Variants in CADPS2 observed in about 807,000 individuals in gnomAD.
CADPS2 encodes calcium dependent secretion activator 2.
CADPS2 carries 93 observed loss-of-function variants against 172.5 expected under a neutral mutation model. The observed-to-expected ratio is 0.54, with a 90% confidence interval of 0.46 to 0.64. CADPS2 has a LOEUF of 0.64. CADPS2 is among the 30% of genes least tolerant of loss of function. CADPS2 has a pLI of 0.00. For synonymous variants in CADPS2, 546 were observed against 555.2 expected (o/e 0.98, Z 0.23); for missense variants, 1,420 against 1,565.9 (o/e 0.91, Z 1.57).
At chr7:122,867,062 C>T (rs1390893204) in intron 1 of CADPS2, among the ~76,000 whole-genome samples, 5 of 152,096 alleles carry the variant, frequency 3.3e-5, no homozygotes, top group African/African-American at 1.2e-4. Flanking sequence ...CCTCTGTTTC[C>T]AAGGGGCTCA....
intron 2 of CADPS2, among the ~76,000 whole-genome samples, chr7:122,675,421 T>C (rs886500647): frequency 1.4e-4 from 22 of 152,232 alleles, no homozygotes; most frequent in African/African-American, 4.8e-4. Context: ...TGTTCTCTCC[T>C]TTCATTTCCA....
At chr7:122,726,806 T>C (rs911799067) in intron 2 of CADPS2, among the ~76,000 whole-genome samples, 4 of 144,736 alleles carry the variant, frequency 2.8e-5, no homozygotes, top group South Asian at 2.1e-4. Context: ...ACATATAAGA[T>C]AGAGTTTGCT....
intron 17 of CADPS2, chr7:122,424,212 G>A (rs1356723302): frequency 1.3e-5 from 6 of 455,088 alleles, no homozygotes; most frequent in Non-Finnish European, 1.4e-5. Flanking sequence ...CTCATTTAAT[G>A]ACCCTGCCAT....
chr7:122,686,638 G>A (rs2083662685), intron 2 of CADPS2, among the ~76,000 whole-genome samples: 1 of 152,206 alleles, frequency 6.6e-6, no homozygotes, highest in Non-Finnish European at 1.5e-5. Flanking sequence ...GAAAGTGAAT[G>A]CAGGTGGTCT....
rs1342459768 is a variant in CADPS2, at chr7:122,732,790, A to ATATAT, written c.453+4164_453+4165insATATA. Among the ~76,000 whole-genome samples the ATATAT allele has an allele frequency of 1.3e-4, 19 of 142,704 alleles. No individual in the cohort carries two copies. In the Admixed American group the frequency reaches 1.4e-3, roughly 10 times the overall value. 93.6% of individuals were successfully genotyped at this position (142,704 alleles called of 152,430 possible). On this transcript the variant is annotated intron_variant, in intron 2 of 29. Coordinates refer to ENST00000449022, the MANE Select transcript of CADPS2 (RefSeq NM_017954.11). ...TCAACATACATTATGTATATAATAT[A>ATATAT]TATACATTATATATTATATACATAA...
At chr7:122,430,150 C>A (rs1415601381) in intron 17 of CADPS2, among the ~76,000 whole-genome samples, 2 of 152,058 alleles carry the variant, frequency 1.3e-5, no homozygotes, top group African/African-American at 4.8e-5. Context: ...GGGAACCTGG[C>A]AACTAGAAGG....
At chr7:122,594,937 C>A (rs2133310601) in intron 6 of CADPS2, among the ~76,000 whole-genome samples, 1 of 151,890 alleles carries the variant, frequency 6.6e-6, no homozygotes, top group Middle Eastern at 3.4e-3. Flanking sequence ...AACTTCAAAG[C>A]ATAAAACATG....
At chr7:122,518,382 T>C (rs1322653226) in intron 8 of CADPS2, among the ~76,000 whole-genome samples, 1 of 152,130 alleles carries the variant, frequency 6.6e-6, no homozygotes, top group African/African-American at 2.4e-5. Context: ...TTATTTGACA[T>C]ATAATGGAAA....
chr7:122,684,544 T>G (rs1487856748), intron 2 of CADPS2, among the ~76,000 whole-genome samples: 1 of 152,202 alleles, frequency 6.6e-6, no homozygotes, highest in Admixed American at 6.5e-5. Flanking sequence ...ATTCAAATTA[T>G]TGTTATGCAT....
intron 5 of CADPS2, among the ~76,000 whole-genome samples, chr7:122,616,484 T>C (rs533759892): frequency 6.6e-6 from 1 of 152,246 alleles, no homozygotes; most frequent in African/African-American, 2.4e-5. Context: ...TATTTGTTTT[T>C]TGTTAAATTT....
At chr7:122,433,307 C>A (rs115352515) in intron 17 of CADPS2, among the ~76,000 whole-genome samples, 1 of 151,820 alleles carries the variant, frequency 6.6e-6, no homozygotes, top group African/African-American at 2.4e-5. Flanking sequence ...TTCTAAAAAA[C>A]CCCTATCTTC....
chr7:122,621,084 T>C (rs1213601566), intron 5 of CADPS2, among the ~76,000 whole-genome samples: 3 of 152,084 alleles, frequency 2.0e-5, no homozygotes, highest in Middle Eastern at 3.4e-3. Context: ...TTTTTTTTTT[T>C]AGAAACAGGG....
chr7:122,728,563 C>G (rs12537488), intron 2 of CADPS2, among the ~76,000 whole-genome samples: 22,646 of 151,578 alleles, frequency 0.15, 1,764 homozygotes, highest in Non-Finnish European at 0.16. Flanking sequence ...GAAGATTTGT[C>G]CTGAAAGTAA....
rs1047486860 is a variant in CADPS2, at chr7:122,613,454, A to G, written c.1223+1727T>C. On this transcript the variant is annotated intron_variant, in intron 6 of 29. Transcript: ENST00000449022. Reference sequence around the variant, plus strand: ...CATATGAAATATATATATATGGAAGATATTTATACCATATCAGCTTGTATA... The same window carrying G: ...CATATGAAATATATATATATGGAAGGTATTTATACCATATCAGCTTGTATA... Among the ~76,000 whole-genome samples, 30 of 152,224 alleles carry G rather than the reference A, an allele frequency of 2.0e-4. 1 individual carries two copies. In the South Asian group the frequency reaches 4.8e-3, roughly 24 times the overall value.
intron 14 of CADPS2, among the ~76,000 whole-genome samples, chr7:122,465,372 C>A (rs2054997847): frequency 6.6e-6 from 1 of 152,086 alleles, no homozygotes. Context: ...TTCCCAAGCC[C>A]AGATGGTTTA....
intron 2 of CADPS2, chr7:122,701,587 T>A (rs940060280): frequency 3.6e-5 from 9 of 252,630 alleles, no homozygotes; most frequent in Admixed American, 2.0e-4. Flanking sequence ...ACTTAAAGTA[T>A]AATAAAAAAT....
chr7:122,806,056 A>C (rs561480755), intron 1 of CADPS2, among the ~76,000 whole-genome samples: 3 of 152,350 alleles, frequency 2.0e-5, no homozygotes, highest in Admixed American at 6.5e-5. Flanking sequence ...ATTTCTGAAA[A>C]TATAAATAAG....
chr7:122,819,383 C>G (rs887680027), intron 1 of CADPS2, among the ~76,000 whole-genome samples: 1 of 152,130 alleles, frequency 6.6e-6, no homozygotes, highest in East Asian at 1.9e-4. Context: ...CTCGGCTTAG[C>G]GGCTGAAGAC....
At chr7:122,623,091 T>A (rs1189771534) in intron 4 of CADPS2, among the ~76,000 whole-genome samples, 1 of 152,274 alleles carries the variant, frequency 6.6e-6, no homozygotes, top group African/African-American at 2.4e-5. Flanking sequence ...AATATCTACA[T>A]TAAAAATTAA....
Sources: gnomAD v4.1 joint callset for allele counts (sites outside exome capture counted in the v4.1 genomes callset) on GRCh38, gnomAD v4.1.1 for gene constraint, MANE v1.5 for transcripts, NCBI Gene and HGNC (gene_info 2026-07-23, HGNC 2026-07-21) for gene names.